The following LRBA variants were observed in gnomAD, a reference collection of about 807,000 sequenced individuals.
The protein encoded by LRBA is lipopolysaccharide-responsive and beige-like anchor protein.
Under a neutral mutation model 330.0 loss-of-function variants are expected in LRBA, and 176 were observed. That is an observed-to-expected ratio of 0.53 (90% confidence interval 0.47 to 0.60). The LOEUF is 0.60. Among genes scored for constraint, LRBA ranks in the 20% least tolerant of loss-of-function variants. The pLI is 0.00. For missense variants in LRBA, 3,259 were observed against 3,444.8 expected (o/e 0.95, Z 1.35); for synonymous variants, 1,230 against 1,193.0 (o/e 1.03, Z -0.64).
chr4:150,320,952 CAA>C (rs896587924), intron 50 of LRBA, among the ~76,000 whole-genome samples: 21 of 151,882 alleles, frequency 1.4e-4, no homozygotes, highest in African/African-American at 3.9e-4. Flanking sequence ...ATATTAGAAA[CAA>C]TATTTATCTC....
intron 52 of LRBA, among the ~76,000 whole-genome samples, chr4:150,305,524 T>C (rs1730249267): frequency 6.6e-6 from 1 of 152,190 alleles, no homozygotes; most frequent in African/African-American, 2.4e-5. Context: ...CCTGCCCTCA[T>C]AGCCTTTACA....
intron 2 of LRBA, among the ~76,000 whole-genome samples, chr4:150,941,014 T>C (rs1029021778): frequency 6.6e-6 from 1 of 152,166 alleles, no homozygotes; most frequent in Non-Finnish European, 1.5e-5. Flanking sequence ...GCTGCTTTTT[T>C]AACGGGTTTT....
At chr4:150,276,900 T>C (rs998117905) in intron 56 of LRBA, among the ~76,000 whole-genome samples, 10 of 152,170 alleles carry the variant, frequency 6.6e-5, no homozygotes, top group African/African-American at 2.2e-4. Context: ...AGAAATACCA[T>C]TTGACCCACA....
intron 33 of LRBA, 102 bp from the exon 34 acceptor site, chr4:150,798,244 T>C (rs1277598374): frequency 2.7e-6 from 2 of 744,084 alleles, no homozygotes; most frequent in Admixed American, 2.1e-5. Flanking sequence ...TTTCAGACTA[T>C]TAATAGTGCA....
At chr4:150,496,041 T>C (rs1264574646) in intron 40 of LRBA, among the ~76,000 whole-genome samples, 2 of 152,192 alleles carry the variant, frequency 1.3e-5, no homozygotes, top group African/African-American at 4.8e-5. Flanking sequence ...GGATTTAGTA[T>C]TGAATACATA....
chr4:150,730,528 C>T (rs1730298344), intron 36 of LRBA, among the ~76,000 whole-genome samples: 1 of 150,814 alleles, frequency 6.6e-6, no homozygotes, highest in South Asian at 2.1e-4. Context: ...ACTAAAAATA[C>T]AAAAATTAGC....
intron 48 of LRBA, among the ~76,000 whole-genome samples, chr4:150,341,743 C>T (rs974333660): frequency 6.6e-6 from 1 of 151,156 alleles, no homozygotes; most frequent in Non-Finnish European, 1.5e-5. Flanking sequence ...TACACACAGA[C>T]ATATGCATAT....
chr4:150,864,664 T>TTTTA (rs1752446240), intron 22 of LRBA, among the ~76,000 whole-genome samples: 5 of 107,890 alleles, frequency 4.6e-5, no homozygotes, highest in African/African-American at 1.1e-4. Context: ...TTTTTTTTTT[T>TTTTA]GAGACAGAGT....
At chr4:150,272,280 C>A (rs1327018559) in intron 56 of LRBA, among the ~76,000 whole-genome samples, 11 of 152,116 alleles carry the variant, frequency 7.2e-5, no homozygotes, top group Non-Finnish European at 1.5e-4. Context: ...TCAACATCAA[C>A]AAAAAGGATG....
chr4:150,310,092 A>C (rs1580973860), intron 52 of LRBA, 137 bp downstream of exon 52: 9 of 599,880 alleles, frequency 1.5e-5, no homozygotes. Context: ...AAGAGGGAAA[A>C]CAATGCCCTC....
chr4:150,686,894 G>A (rs1345715772), intron 36 of LRBA, among the ~76,000 whole-genome samples: 1 of 151,898 alleles, frequency 6.6e-6, no homozygotes, highest in Non-Finnish European at 1.5e-5. Context: ...GTTCTAAAAG[G>A]CATAATTCTA....
chr4:150,273,804 A>G (rs1302982349), intron 56 of LRBA, among the ~76,000 whole-genome samples: 2 of 152,202 alleles, frequency 1.3e-5, no homozygotes, highest in Non-Finnish European at 1.5e-5. Context: ...ACCCAGATTC[A>G]TAAAGCAAGT....
intron 22 of LRBA, among the ~76,000 whole-genome samples, chr4:150,867,112 T>TAAAA (rs202028551): frequency 0.024 from 2,966 of 122,608 alleles, 95 homozygotes; most frequent in African/African-American, 0.079. Flanking sequence ...TGGCTTAATT[T>TAAAA]AAAAAAAAAA....
chr4:150,953,890 C>T (rs1426440519), intron 2 of LRBA, among the ~76,000 whole-genome samples: 9 of 151,314 alleles, frequency 5.9e-5, no homozygotes, highest in African/African-American at 1.9e-4. Flanking sequence ...CGCCTCTTCC[C>T]GGCCGTCATC....
intron 36 of LRBA, among the ~76,000 whole-genome samples, chr4:150,689,361 T>C (rs1015295381): frequency 2.6e-5 from 4 of 152,022 alleles, no homozygotes; most frequent in Non-Finnish European, 4.4e-5. Flanking sequence ...CTAATGCAGA[T>C]GACAGGTTGA....
intron 37 of LRBA, among the ~76,000 whole-genome samples, chr4:150,619,607 G>T (rs890535513): frequency 1.3e-5 from 2 of 152,062 alleles, no homozygotes; most frequent in Non-Finnish European, 2.9e-5. Flanking sequence ...TTACTATACA[G>T]ATTCCTATAT....
intron 40 of LRBA, among the ~76,000 whole-genome samples, chr4:150,531,329 C>A (rs1187326205): frequency 6.6e-6 from 1 of 152,144 alleles, no homozygotes; most frequent in East Asian, 1.9e-4. Flanking sequence ...GTTTCCTTGC[C>A]ATTCCAGTCA....
chr4:150,805,573 A>G (rs1742630262), intron 33 of LRBA, among the ~76,000 whole-genome samples: 1 of 131,914 alleles, frequency 7.6e-6, no homozygotes, highest in African/African-American at 3.2e-5. Flanking sequence ...AAGGAAAGGA[A>G]AGGAAAGGAA....
chr4:150,318,622 C>T (rs35016840), intron 50 of LRBA, among the ~76,000 whole-genome samples: 83,633 of 151,998 alleles, frequency 0.55, 24,037 homozygotes, highest in Non-Finnish European at 0.65. Context: ...ATATAATAAA[C>T]GCTTAATATT....
Sources: gnomAD v4.1 joint callset for allele counts (sites outside exome capture counted in the v4.1 genomes callset) on GRCh38, gnomAD v4.1.1 for gene constraint, MANE v1.5 for transcripts, NCBI Gene and HGNC (gene_info 2026-07-23, HGNC 2026-07-21) for gene names.